The following MET variants were observed in gnomAD, a reference collection of about 807,000 sequenced individuals.
The protein encoded by MET is MET proto-oncogene, receptor tyrosine kinase, also known as hepatocyte growth factor receptor.
In MET, 48 loss-of-function variants were observed where a neutral mutation model predicts 133.1. That is an observed-to-expected ratio of 0.36 (90% CI 0.29 to 0.46). The LOEUF is 0.46. Ranked by LOEUF, MET falls within the 20% of genes least tolerant of loss-of-function variation. The pLI, the probability that MET is intolerant of heterozygous loss-of-function variation, is 1.00. For missense variants in MET, 1,442 were observed against 1,695.9 expected, an observed-to-expected ratio of 0.85 and a Z score of 2.63; for synonymous variants, 628 against 616.5, an observed-to-expected ratio of 1.02 and a Z score of -0.28.
intron 1 of MET, among the ~76,000 whole-genome samples, chr7:116,674,706 G>T (rs1443710471): frequency 6.6e-6 from 1 of 152,150 alleles, no homozygotes; most frequent in East Asian, 1.9e-4. Context: ...CACACATTCA[G>T]ATTACCTCCC....
chr7:116,785,126 G>A (rs901242451), intron 19 of MET, among the ~76,000 whole-genome samples: 7 of 152,352 alleles, frequency 4.6e-5, no homozygotes, highest in Admixed American at 3.9e-4. Flanking sequence ...TGATGCAAGG[G>A]ATGGGCTCCC....
At chr7:116,763,394 T>C in intron 11 of MET, 126 bp downstream of exon 11, 2 of 850,304 alleles carry the variant, frequency 2.4e-6, no homozygotes, top group Middle Eastern at 2.7e-4. Context: ...ATATAAACTC[T>C]GAAAAACAAA....
chr7:116,696,221 A>G (rs1488677626), intron 1 of MET, among the ~76,000 whole-genome samples: 1 of 152,060 alleles, frequency 6.6e-6, no homozygotes, highest in African/African-American at 2.4e-5. Context: ...CATCATTTCC[A>G]GTCGAGTTGG....
intron 4 of MET, 150 bp from the exon 5 acceptor site, chr7:116,740,702 C>G: frequency 1.1e-6 from 1 of 918,326 alleles, no homozygotes; most frequent in Non-Finnish European, 1.7e-6. Context: ...AAATTTTAAT[C>G]ACCGTTATGA....
Position 116,699,172 on chromosome 7 carries a change from C to G in MET, c.88C>G (p.Leu30Val), listed in dbSNP as rs1060504939. ...GAGCAATGGGGAGTGTAAAGAGGCA[C>G]TAGCAAAGTCCGAGATGAATGTGAA... ...QRSNGECKEA[L>V]AKSEMNVNMK... Residue 30 changes from leucine (L) to valine (V), a missense_variant, in exon 2 of 21, where the codon CTA (leucine) becomes GTA (valine). Around this residue, in one of 6 missense-constraint regions of MET, gnomAD observed 762 missense variants for 792.4 expected, o/e 0.96. Coordinates refer to ENST00000397752, the MANE Select transcript of MET (RefSeq NM_000245.4). 4.3e-6 allele frequency: 7 copies of G among 1,613,932 alleles called. No individual in the cohort carries two copies. Among genetic ancestry groups the G allele is most frequent in the Non-Finnish European group, 5.9e-6 (7 of 1,179,894 alleles).
At chr7:116,740,259 C>A in intron 4 of MET, 175 bp downstream of exon 4, 1 of 774,002 alleles carries the variant, frequency 1.3e-6, no homozygotes, top group Non-Finnish European at 2.2e-6. Flanking sequence ...ATTTGTTCTC[C>A]AAGAAAGACT....
chr7:116,684,617 C>A (rs182758855), intron 1 of MET, among the ~76,000 whole-genome samples: 1 of 152,172 alleles, frequency 6.6e-6, no homozygotes, highest in East Asian at 1.9e-4. Context: ...AAGTTGAGGG[C>A]AAGAATATCC....
chr7:116,759,282 T>G, intron 9 of MET, 109 bp from the exon 10 acceptor site: 1 of 1,505,420 alleles, frequency 6.6e-7, no homozygotes, highest in Non-Finnish European at 9.0e-7. Flanking sequence ...TGATGTTGAC[T>G]GTGCCTCTGA....
intron 15 of MET, among the ~76,000 whole-genome samples, chr7:116,776,094 A>G (rs772099331): frequency 6.6e-6 from 1 of 151,866 alleles, no homozygotes; most frequent in Non-Finnish European, 1.5e-5. Context: ...AAAAGCTTTT[A>G]CCCTTAATAC....
chr7:116,792,520 G>A (rs1209003689), intron 19 of MET, among the ~76,000 whole-genome samples: 1 of 128,404 alleles, frequency 7.8e-6, no homozygotes, highest in Non-Finnish European at 1.6e-5. Flanking sequence ...TCTCTTCTTG[G>A]TCATCATCCT....
chr7:116,787,871 C>T (rs1013300617), intron 19 of MET, among the ~76,000 whole-genome samples: 5 of 152,076 alleles, frequency 3.3e-5, no homozygotes, highest in African/African-American at 1.2e-4. Flanking sequence ...AAGATTTGTA[C>T]ATGAATGATC....
intron 3 of MET, among the ~76,000 whole-genome samples, chr7:116,739,155 T>G (rs1209477355): frequency 6.6e-6 from 1 of 152,242 alleles, no homozygotes; most frequent in East Asian, 1.9e-4. Flanking sequence ...TCATTTGGAT[T>G]TTATCCCAAT....
intron 1 of MET, among the ~76,000 whole-genome samples, chr7:116,679,849 C>T (rs1796285174): frequency 6.6e-6 from 1 of 152,168 alleles, no homozygotes; most frequent in Non-Finnish European, 1.5e-5. Flanking sequence ...GCTTTAAGTG[C>T]ATTTCAAATG....
chr7:116,796,483 G>C lies in MET; in HGVS notation c.*359G>C, dbSNP rs1795682838. 2.3e-6 allele frequency: 1 copy of C among 428,466 alleles called. No individual in the cohort carries two copies. The highest frequency in any genetic ancestry group is 2.0e-5 in the African/African-American group (1 of 51,136). 26.5% of individuals were successfully genotyped at this position (428,466 alleles called of 1,614,324 possible). On this transcript the variant is annotated 3_prime_UTR_variant, in exon 21 of 21. Coordinates refer to ENST00000397752, the MANE Select transcript of MET (RefSeq NM_000245.4). ...CTTCTTGATCACAGAAAACTCAGAA[G>C]AGATAGTAATGCTCAGGACAGGAGC...
intron 2 of MET, among the ~76,000 whole-genome samples, chr7:116,728,533 T>C (rs1792879983): frequency 6.6e-6 from 1 of 152,162 alleles, no homozygotes; most frequent in South Asian, 2.1e-4. Context: ...GATCAGTGAG[T>C]TCCTGCTTGC....
intron 2 of MET, among the ~76,000 whole-genome samples, chr7:116,721,076 T>C (rs1792466070): frequency 6.6e-6 from 1 of 152,186 alleles, no homozygotes; most frequent in Non-Finnish European, 1.5e-5. Flanking sequence ...AGTTCCTCCT[T>C]GCACCTCTGA....
At chr7:116,763,537 G>C (rs550777640) in intron 11 of MET, among the ~76,000 whole-genome samples, 1 of 152,190 alleles carries the variant, frequency 6.6e-6, no homozygotes, top group Non-Finnish European at 1.5e-5. Context: ...AAGAGGATCC[G>C]CGTCATGCAT....
intron 17 of MET, among the ~76,000 whole-genome samples, chr7:116,780,363 T>C (rs1795121011): frequency 1.3e-5 from 2 of 152,102 alleles, no homozygotes; most frequent in Non-Finnish European, 2.9e-5. Flanking sequence ...AAATAAGCTC[T>C]AGGAGAGTAA....
intron 5 of MET, among the ~76,000 whole-genome samples, chr7:116,743,323 C>T (rs1446467818): frequency 1.3e-5 from 2 of 152,170 alleles, no homozygotes; most frequent in Non-Finnish European, 2.9e-5. Flanking sequence ...GGGCAGACAC[C>T]GAGCAGGAGT....
Sources: allele counts gnomAD v4.1 joint callset (sites outside exome capture counted in the v4.1 genomes callset), GRCh38; gene constraint gnomAD v4.1.1; regional missense constraint gnomAD v4.1.1; transcripts MANE v1.5; gene names NCBI Gene and HGNC (gene_info 2026-07-23, HGNC 2026-07-21).